The following LRRC63 variants were observed in gnomAD, a reference collection of about 807,000 sequenced individuals.
The protein encoded by LRRC63 is leucine rich repeat containing 63, also known as leucine-rich repeat-containing protein 63.
In LRRC63, 40 loss-of-function variants were observed where a neutral mutation model predicts 49.5. That is an observed-to-expected ratio of 0.81 (90% confidence interval 0.63 to 1.05). The LOEUF is 1.05. LRRC63 is among the 50% of genes least tolerant of loss of function. The pLI, the probability that LRRC63 is intolerant of heterozygous loss-of-function variation, is 0.00. For missense variants in LRRC63, 636 were observed against 663.1 expected (o/e 0.96, Z 0.45); for synonymous variants, 191 against 221.1 (o/e 0.86, Z 1.21).
chr13:46,269,841 T>C (rs1376462525), intron 9 of LRRC63, among the ~76,000 whole-genome samples: 8 of 147,976 alleles, frequency 5.4e-5, no homozygotes, highest in African/African-American at 2.0e-4. Flanking sequence ...ATACTATATA[T>C]CTATATATCT....
intron 9 of LRRC63, among the ~76,000 whole-genome samples, chr13:46,271,296 G>T (rs1342476375): frequency 6.6e-6 from 1 of 152,092 alleles, no homozygotes; most frequent in East Asian, 1.9e-4. Context: ...TGTCCTATTA[G>T]TTTGAAGTTT....
At chr13:46,246,727 T>C (rs2047224519) in intron 6 of LRRC63, 102 bp downstream of exon 6, 1 of 491,848 alleles carries the variant, frequency 2.0e-6, no homozygotes. Flanking sequence ...TATAAAGTAC[T>C]GTAAATGTAT....
At chr13:46,214,163 A>G (rs542670285) in intron 2 of LRRC63, among the ~76,000 whole-genome samples, 1 of 152,194 alleles carries the variant, frequency 6.6e-6, no homozygotes, top group African/African-American at 2.4e-5. Context: ...TTCCTCTTCC[A>G]TCTGATTTTA....
chr13:46,222,067 A>C (rs140560769), intron 2 of LRRC63, among the ~76,000 whole-genome samples: 7 of 152,316 alleles, frequency 4.6e-5, no homozygotes, highest in African/African-American at 1.7e-4. Context: ...GGGTAAGATA[A>C]TATCTCATTG....
intron 5 of LRRC63, among the ~76,000 whole-genome samples, chr13:46,244,460 A>G (rs2047156803): frequency 6.6e-6 from 1 of 152,244 alleles, no homozygotes; most frequent in African/African-American, 2.4e-5. Context: ...TTCACAGTAA[A>G]GAAGGCAAGA....
chr13:46,262,756 A>G (rs2047633057), intron 8 of LRRC63, among the ~76,000 whole-genome samples: 1 of 152,144 alleles, frequency 6.6e-6, no homozygotes, highest in Non-Finnish European at 1.5e-5. Context: ...GATTGTTACT[A>G]TGAATGTAAT....
chr13:46,266,406 C>T (rs2047684745), intron 8 of LRRC63, among the ~76,000 whole-genome samples: 1 of 152,100 alleles, frequency 6.6e-6, no homozygotes, highest in Non-Finnish European at 1.5e-5. Flanking sequence ...TTCTGTGTAT[C>T]ATACTATACC....
intron 9 of LRRC63, among the ~76,000 whole-genome samples, chr13:46,271,185 G>A (rs1480486524): frequency 6.6e-6 from 1 of 152,122 alleles, no homozygotes; most frequent in East Asian, 1.9e-4. Context: ...ATATGTGGAA[G>A]GTCCTGGAAC....
intron 5 of LRRC63, among the ~76,000 whole-genome samples, chr13:46,243,870 C>T (rs1337416302): frequency 6.6e-6 from 1 of 152,160 alleles, no homozygotes; most frequent in Non-Finnish European, 1.5e-5. Context: ...ATAAACTCTT[C>T]ATTGATAAAG....
At chr13:46,237,496 G>GA (rs2046936296) in intron 5 of LRRC63, among the ~76,000 whole-genome samples, 1 of 151,942 alleles carries the variant, frequency 6.6e-6, no homozygotes, top group Non-Finnish European at 1.5e-5. Flanking sequence ...ATGTGGAGAA[G>GA]AAAAATCTCA....
intron 8 of LRRC63, among the ~76,000 whole-genome samples, chr13:46,263,974 C>T (rs1193493837): frequency 6.6e-6 from 1 of 152,158 alleles, no homozygotes; most frequent in Non-Finnish European, 1.5e-5. Flanking sequence ...AATTTTTTCT[C>T]TGAATCTTTA....
At chr13:46,241,480 A>G (rs557770178) in intron 5 of LRRC63, among the ~76,000 whole-genome samples, 9 of 152,346 alleles carry the variant, frequency 5.9e-5, no homozygotes, top group Admixed American at 2.6e-4. Context: ...ATGGGGTATA[A>G]TTAAACTAAA....
chr13:46,241,790 A>G (rs1052131099), intron 5 of LRRC63, among the ~76,000 whole-genome samples: 1 of 152,202 alleles, frequency 6.6e-6, no homozygotes, highest in Non-Finnish European at 1.5e-5. Flanking sequence ...ATCAGGCAGG[A>G]TAGCAATTAC....
chr13:46,264,301 T>C (rs2047652806), intron 8 of LRRC63, among the ~76,000 whole-genome samples: 1 of 152,204 alleles, frequency 6.6e-6, no homozygotes, highest in Admixed American at 6.5e-5. Flanking sequence ...TCAGAAAATA[T>C]GTTTAAATAG....
chr13:46,223,622 G>A (rs982984973), intron 2 of LRRC63, among the ~76,000 whole-genome samples: 5 of 152,000 alleles, frequency 3.3e-5, no homozygotes, highest in South Asian at 2.1e-4. Flanking sequence ...TTGGGAGGCC[G>A]AGGTGGGTGG....
intron 2 of LRRC63, among the ~76,000 whole-genome samples, chr13:46,216,374 C>T (rs139637527): frequency 6.6e-6 from 1 of 152,202 alleles, no homozygotes; most frequent in African/African-American, 2.4e-5. Context: ...ATTCTCTTTG[C>T]AGCAGTTGTG....
intron 1 of LRRC63, among the ~76,000 whole-genome samples, 161 bp from the exon 2 acceptor site, chr13:46,212,841 G>T (rs1367299629): frequency 1.3e-5 from 2 of 152,076 alleles, no homozygotes; most frequent in East Asian, 3.9e-4. Context: ...AAGTTTTAAA[G>T]AATTATTTTC....
intron 7 of LRRC63, among the ~76,000 whole-genome samples, chr13:46,253,509 A>G (rs1316389576): frequency 2.6e-5 from 4 of 152,084 alleles, no homozygotes; most frequent in Admixed American, 2.0e-4. Flanking sequence ...AAATTGAATC[A>G]CTAAGAAAGG....
At chr13:46,228,534 G>T in intron 3 of LRRC63, 131 bp from the exon 4 acceptor site, 1 of 644,804 alleles carries the variant, frequency 1.6e-6, no homozygotes, top group Admixed American at 2.8e-5. Context: ...GCTGATAGAC[G>T]CCTTCATGAA....
Sources: allele counts gnomAD v4.1 joint callset (sites outside exome capture counted in the v4.1 genomes callset), GRCh38; gene constraint gnomAD v4.1.1; transcripts MANE v1.5; gene names NCBI Gene and HGNC (gene_info 2026-07-23, HGNC 2026-07-21).